APBB1IP: variants seen among roughly 807,000 people sequenced by gnomAD.
APBB1IP encodes amyloid beta A4 precursor protein-binding family B member 1-interacting protein.
In APBB1IP, 27 loss-of-function variants were observed where a neutral mutation model predicts 64.9. That is an observed-to-expected ratio of 0.42 (90% confidence interval 0.31 to 0.57). APBB1IP has a LOEUF of 0.57. APBB1IP is among the 20% of genes least tolerant of loss of function. The probability of loss-of-function intolerance (pLI) is 0.20; values close to 1 mark genes in which losing one functional copy is unlikely to be tolerated. For synonymous variants in APBB1IP, 392 were observed against 331.0 expected (o/e 1.18, Z -2.00); for missense variants, 812 against 845.5 (o/e 0.96, Z 0.49).
At chr10:26,471,980 G>T (rs578204437) in intron 2 of APBB1IP, among the ~76,000 whole-genome samples, 1 of 152,152 alleles carries the variant, frequency 6.6e-6, no homozygotes, top group African/African-American at 2.4e-5. Flanking sequence ...ACTGTGCCCG[G>T]CCTGTTTGAG....
Position 26,567,235 on chromosome 10 carries a change from TGCCCCC to T in APBB1IP, c.1758_1763del (p.Pro587_Pro588del), listed in dbSNP as rs1309845255. ...TTCATGGAGCCGCCCCCAGACTTCG[TGCCCCC>T]GCCCCCGCCGTCGTACGCAGGGATC... On this transcript the variant is annotated inframe_deletion, in exon 15 of 15. Coordinates refer to ENST00000376236, the MANE Select transcript of APBB1IP (RefSeq NM_019043.4). 3 of 1,327,194 alleles carry T rather than the reference TGCCCCC, an allele frequency of 2.3e-6. No individual in the cohort carries two copies. Among genetic ancestry groups the T allele is most frequent in the Non-Finnish European group, 1.9e-6 (2 of 1,036,566 alleles). 82.2% of individuals were successfully genotyped at this position (1,327,194 alleles called of 1,614,324 possible). A position where few individuals can be genotyped will look rare whatever the true frequency, so the allele number is the denominator to read the frequency against.
Position 26,513,084 on chromosome 10 carries a change from A to C in APBB1IP, c.692-455A>C, listed in dbSNP as rs375605106. Among the ~76,000 whole-genome samples the C allele has an allele frequency of 9.8e-5, 15 of 152,300 alleles. No individual in the cohort carries two copies. In the East Asian group the frequency reaches 2.1e-3, roughly 22 times the overall value. On this transcript the variant is annotated intron_variant, in intron 7 of 14. Transcript: ENST00000376236. ...GTCCACCTCACGTAGAATGTTTGCCACCATCTGGGACTATTTAAAGTAAAA... is the reference window on the plus strand; with the variant it reads ...GTCCACCTCACGTAGAATGTTTGCCCCCATCTGGGACTATTTAAAGTAAAA...
intron 11 of APBB1IP, among the ~76,000 whole-genome samples, chr10:26,545,989 A>G (rs1026110450): frequency 2.0e-5 from 3 of 152,058 alleles, no homozygotes; most frequent in Non-Finnish European, 4.4e-5. Context: ...TCATGGCCTG[A>G]TAAGGCCAGG....
chr10:26,550,952 T>C (rs1836823176), intron 11 of APBB1IP, among the ~76,000 whole-genome samples: 1 of 152,186 alleles, frequency 6.6e-6, no homozygotes, highest in Non-Finnish European at 1.5e-5. Context: ...AAGTCCAGGT[T>C]AGACCCGAAT....
chr10:26,469,449 C>A (rs780504871), intron 2 of APBB1IP, among the ~76,000 whole-genome samples: 1 of 151,862 alleles, frequency 6.6e-6, no homozygotes, highest in Non-Finnish European at 1.5e-5. Flanking sequence ...CTGGGTTTCA[C>A]CATGCTGGCC....
At chr10:26,560,261 G>C in intron 12 of APBB1IP, 58 bp downstream of exon 12, 1 of 1,480,338 alleles carries the variant, frequency 6.8e-7, no homozygotes, top group Non-Finnish European at 9.4e-7. Context: ...TTCCTGACCT[G>C]GGCACAGCCT....
chr10:26,483,561 T>C (rs924191588), intron 2 of APBB1IP, among the ~76,000 whole-genome samples: 5 of 152,244 alleles, frequency 3.3e-5, no homozygotes, highest in Admixed American at 6.5e-5. Context: ...ACAGAAGCAA[T>C]TGAGTGAGGA....
chr10:26,528,117 T>C (rs771805764), intron 8 of APBB1IP, among the ~76,000 whole-genome samples: 5 of 152,184 alleles, frequency 3.3e-5, no homozygotes, highest in Non-Finnish European at 5.9e-5. Context: ...TTAGAATCCA[T>C]GCATCGTCCC....
At chr10:26,535,893 C>A (rs1296677188) in intron 9 of APBB1IP, among the ~76,000 whole-genome samples, 181 bp from the exon 10 acceptor site, 1 of 152,066 alleles carries the variant, frequency 6.6e-6, no homozygotes, top group African/African-American at 2.4e-5. Context: ...GATTCTTGAT[C>A]GATGTGTTAT....
chr10:26,509,477 A>G (rs2132444084), intron 6 of APBB1IP: 1 of 152,364 alleles, frequency 6.6e-6, no homozygotes, highest in African/African-American at 2.4e-5. Flanking sequence ...ACTCACCCAA[A>G]TGGTTACCAC....
chr10:26,476,178 C>T (rs780930305), intron 2 of APBB1IP, among the ~76,000 whole-genome samples: 16 of 151,816 alleles, frequency 1.1e-4, no homozygotes, highest in Non-Finnish European at 1.8e-4. Context: ...CCTGCCTCAG[C>T]CTCCCGAGCA....
chr10:26,560,086 C>T lies in APBB1IP; in HGVS notation c.1156-19C>T. On this transcript the variant is annotated intron_variant, in intron 11 of 14. Coordinates refer to ENST00000376236, the MANE Select transcript of APBB1IP (RefSeq NM_019043.4). Reference sequence around the variant, plus strand: ...TACATGACAAGTGAATACATTGTCTCGAAACTGCTTCTTTCTAGCACCCCC... The same window carrying T: ...TACATGACAAGTGAATACATTGTCTTGAAACTGCTTCTTTCTAGCACCCCC... The T allele has an allele frequency of 1.9e-6, 3 of 1,603,140 alleles. No homozygotes were observed. Among genetic ancestry groups the T allele is most frequent in the Non-Finnish European group, 1.7e-6 (2 of 1,170,122 alleles).
rs16927082 is a variant in APBB1IP at position 26,528,966 on chromosome 10, T to A, written c.814-4473T>A. Among the ~76,000 whole-genome samples the A allele has an allele frequency of 5.2e-3, 787 of 152,310 alleles. 5 individuals are homozygous for A. Among genetic ancestry groups the A allele is most frequent in the African/African-American group, 0.018 (753 of 41,574 alleles). On this transcript the variant is annotated intron_variant, in intron 8 of 14. Transcript: ENST00000376236. ...AAAGAAAGAACAGGGATGTTTTACATGTATAAAGGGTACTCACAAATATTT... is the reference window on the plus strand; with the variant it reads ...AAAGAAAGAACAGGGATGTTTTACAAGTATAAAGGGTACTCACAAATATTT...
rs34995074 is a variant in APBB1IP, at chr10:26,438,463, G to GGGATGACAGAGGA, written c.-203+8_-203+9insGGATGACAGAGGA. The GGGATGACAGAGGA allele has an allele frequency of 6.6e-6, 1 of 151,110 alleles. No homozygotes were observed. Among genetic ancestry groups the GGGATGACAGAGGA allele is most frequent in the Non-Finnish European group, 1.5e-5 (1 of 67,798 alleles). The allele number at this position is 151,110 out of a possible 1,614,324, so 9.4% of individuals were successfully genotyped here. A position where few individuals can be genotyped will look rare whatever the true frequency, so the allele number is the denominator to read the frequency against. Reference sequence around the variant, plus strand: ...AGGGCGCGCGCGGCACAGGTAGGGGGAGGCGCAACGTTTCCCAGAATTAAA... The same window carrying GGGATGACAGAGGA: ...AGGGCGCGCGCGGCACAGGTAGGGGGGGATGACAGAGGAAGGCGCAACGTTTCCCAGAATTAAA... On this transcript the variant is annotated intron_variant, in intron 1 of 14. Coordinates refer to ENST00000376236, the MANE Select transcript of APBB1IP (RefSeq NM_019043.4).
chr10:26,562,478 C>A, intron 14 of APBB1IP, 49 bp downstream of exon 14: 1 of 1,470,162 alleles, frequency 6.8e-7, no homozygotes, highest in South Asian at 1.1e-5. Context: ...CTAAACCATT[C>A]ACATTATTCC....
At chr10:26,554,400 T>C (rs1004095841) in intron 11 of APBB1IP, among the ~76,000 whole-genome samples, 2 of 152,360 alleles carry the variant, frequency 1.3e-5, no homozygotes, top group East Asian at 3.9e-4. Context: ...ACGCCTCTTC[T>C]AGCTTCCGGC....
intron 6 of APBB1IP, chr10:26,509,554 C>T (rs1836226519): frequency 6.6e-6 from 1 of 152,170 alleles, no homozygotes; most frequent in African/African-American, 2.4e-5. Context: ...ACTCTTCAAC[C>T]TGTTAACTAT....
At chr10:26,562,841 A>T (rs1371307925) in intron 14 of APBB1IP, among the ~76,000 whole-genome samples, 1 of 152,178 alleles carries the variant, frequency 6.6e-6, no homozygotes, top group Non-Finnish European at 1.5e-5. Flanking sequence ...ATGCAGTTCC[A>T]ACAACTGAGA....
intron 2 of APBB1IP, among the ~76,000 whole-genome samples, chr10:26,441,554 A>G (rs976667099): frequency 2.6e-5 from 4 of 152,162 alleles, no homozygotes; most frequent in South Asian, 2.1e-4. Flanking sequence ...TGAGGACTCC[A>G]AAGAGGCTGG....
Sources: allele counts gnomAD v4.1 joint callset (sites outside exome capture counted in the v4.1 genomes callset), GRCh38; gene constraint gnomAD v4.1.1; transcripts MANE v1.5; gene names NCBI Gene and HGNC (gene_info 2026-07-23, HGNC 2026-07-21).